Variants in PSMA2 observed in about 807,000 individuals in gnomAD.
The protein encoded by PSMA2 is proteasome subunit alpha type-2.
A neutral mutation model predicts 35.9 loss-of-function variants in PSMA2; 2 were observed. The ratio of observed to expected loss-of-function variants is 0.06; its 90% CI spans 0.02 to 0.18. PSMA2 has a LOEUF of 0.18. PSMA2 is among the 10% of genes least tolerant of loss of function. The pLI, the probability that PSMA2 is intolerant of heterozygous loss-of-function variation, is 1.00. For missense variants in PSMA2, 126 were observed against 278.8 expected (o/e 0.45, Z 3.90); for synonymous variants, 97 against 98.2 (o/e 0.99, Z 0.07).
intron 1 of PSMA2, among the ~76,000 whole-genome samples, chr7:42,931,721 A>G (rs1182589404): frequency 6.6e-6 from 1 of 152,178 alleles, no homozygotes; most frequent in African/African-American, 2.4e-5. Flanking sequence ...TATTTGACCA[A>G]GATTCCAAGT....
At position 42,921,886 on chromosome 7, in the gene PSMA2, C is replaced by T. The variant is rs371848172; in HGVS notation, c.502G>A (p.Val168Met). ...WKATAMGKNY[V>M]NGKTFLEKRY... is the part of the protein sequence containing the mutation. ...TTCTCAAGGAAAGTCTTCCCATTCACATAGTTCTTTCCCATTGCTGTAGCT... is the reference window on the plus strand; with the variant it reads ...TTCTCAAGGAAAGTCTTCCCATTCATATAGTTCTTTCCCATTGCTGTAGCT... Residue 168 changes from valine (V) to methionine (M), a missense_variant, in exon 6 of 8, where the codon GTG becomes ATG. Physicochemically the swap from Val to Met is conservative, Grantham distance 21 (BLOSUM62 1). Transcript: ENST00000223321. 9 of 1,612,470 alleles carry T rather than the reference C, an allele frequency of 5.6e-6. No individual in the cohort carries two copies. In the African/African-American group the frequency reaches 1.2e-4, roughly 22 times the overall value.
chr7:42,931,138 T>A (rs1786302281), intron 1 of PSMA2: 1 of 453,660 alleles, frequency 2.2e-6, no homozygotes, highest in South Asian at 1.6e-5. Context: ...AAGCTGCGGT[T>A]AGTTCATCTG....
intron 6 of PSMA2, chr7:42,918,839 C>T (rs1786078412): frequency 1.2e-5 from 2 of 165,138 alleles, no homozygotes; most frequent in South Asian, 3.2e-4. Context: ...TTTTTTTTCC[C>T]TCAAGACAGA....
In PSMA2 at chr7:42,917,486, T is replaced by C. The variant is rs968694221; in HGVS notation, c.*88A>G. ...GATTTAAACCATGTAGAAATAAGTA[T>C]GCAAAAAGTCTGCAAAACAAAACAT... On this transcript the variant is annotated 3_prime_UTR_variant, in exon 8 of 8. Coordinates refer to ENST00000223321, the MANE Select transcript of PSMA2 (RefSeq NM_002787.5). 6 of 970,032 alleles carry C rather than the reference T, an allele frequency of 6.2e-6. No individual in the cohort carries two copies. Among genetic ancestry groups the C allele is most frequent in the African/African-American group, 3.3e-5 (2 of 61,494 alleles). 60.1% of individuals were successfully genotyped at this position (970,032 alleles called of 1,614,324 possible).
intron 6 of PSMA2, chr7:42,920,024 A>G: frequency 5.8e-6 from 4 of 692,370 alleles, no homozygotes; most frequent in Admixed American, 5.6e-5. Context: ...ACAAGAGAAG[A>G]GCTAGAAGAA....
intron 3 of PSMA2, among the ~76,000 whole-genome samples, chr7:42,925,541 T>C (rs1786198572): frequency 6.6e-6 from 1 of 152,216 alleles, no homozygotes; most frequent in Non-Finnish European, 1.5e-5. Context: ...TTTTCTCCAG[T>C]GCAGTTTAAA....
intron 4 of PSMA2, among the ~76,000 whole-genome samples, chr7:42,923,704 T>C (rs774999574): frequency 7.9e-5 from 12 of 152,244 alleles, no homozygotes; most frequent in Non-Finnish European, 1.6e-4. Context: ...AACTTTCAAT[T>C]AATGCAGCTT....
chr7:42,924,568 T>C (rs1289139050), intron 4 of PSMA2, 107 bp downstream of exon 4: 1 of 1,147,982 alleles, frequency 8.7e-7, no homozygotes, highest in Non-Finnish European at 1.2e-6. Flanking sequence ...TGTCCACTTG[T>C]TAAGCAAATA....
rs752849987 is a variant in PSMA2 at position 42,927,467 on chromosome 7, G to T, written c.42-8C>A. The T allele has an allele frequency of 6.2e-7, 1 of 1,612,810 alleles. No individual in the cohort carries two copies. Among genetic ancestry groups the T allele is most frequent in the South Asian group, 1.1e-5 (1 of 91,044 alleles). On this transcript the variant is annotated splice_region_variant and splice_polypyrimidine_tract_variant and intron_variant, in intron 1 of 7. Coordinates refer to ENST00000223321, the MANE Select transcript of PSMA2 (RefSeq NM_002787.5). ...ACAAGTTTACCAGACGGGCTTAAAAGAAACACAGGTATTTGTAAGTTCACA... is the reference window on the plus strand; with the variant it reads ...ACAAGTTTACCAGACGGGCTTAAAATAAACACAGGTATTTGTAAGTTCACA...
In PSMA2 at chr7:42,917,696, G is replaced by A. The variant is rs1471767948; in HGVS notation, c.589-6C>T. 6.2e-7 allele frequency: 1 copy of A among 1,612,798 alleles called. No homozygotes were observed. The highest frequency in any genetic ancestry group is 1.1e-5 in the South Asian group (1 of 90,968). ...ATTTGCCCTTCAAAGCTTTCCTATTGAGGAGGGAGGAAAAAAGGTCAATTT... is the reference window on the plus strand; with the variant it reads ...ATTTGCCCTTCAAAGCTTTCCTATTAAGGAGGGAGGAAAAAAGGTCAATTT... On this transcript the variant is annotated splice_region_variant and splice_polypyrimidine_tract_variant and intron_variant, in intron 7 of 7. Coordinates refer to ENST00000223321, the MANE Select transcript of PSMA2 (RefSeq NM_002787.5).
chr7:42,918,645 G>C (rs989147968), intron 6 of PSMA2: 1 of 152,460 alleles, frequency 6.6e-6, no homozygotes, highest in African/African-American at 2.4e-5. Context: ...GCCCGTGTTA[G>C]GGTGAAGCCT....
intron 2 of PSMA2, 149 bp from the exon 3 acceptor site, chr7:42,926,817 T>G: frequency 1.1e-6 from 1 of 936,252 alleles, no homozygotes; most frequent in Admixed American, 3.6e-5. Flanking sequence ...CAAAATTACC[T>G]AAGAAATGGT....
At chr7:42,922,341 A>C (rs1347787636) in intron 5 of PSMA2, among the ~76,000 whole-genome samples, 6 of 152,220 alleles carry the variant, frequency 3.9e-5, no homozygotes, top group African/African-American at 1.4e-4. Flanking sequence ...CGATTTAAAA[A>C]TCTATCATAT....
At chr7:42,919,832 A>ATTCACTGTGTCCTATT in intron 6 of PSMA2, 1 of 729,814 alleles carries the variant, frequency 1.4e-6, no homozygotes, top group Non-Finnish European at 2.6e-6. Context: ...CCTACAAAGG[A>ATTCACTGTGTCCTATT]CACTCTGGTC....
At chr7:42,931,140 G>A (rs1392533345) in intron 1 of PSMA2, 1 of 453,678 alleles carries the variant, frequency 2.2e-6, no homozygotes, top group Non-Finnish European at 4.4e-6. Context: ...GCTGCGGTTA[G>A]TTCATCTGTA....
intron 6 of PSMA2, 164 bp downstream of exon 6, chr7:42,921,694 T>C: frequency 2.3e-6 from 1 of 441,824 alleles, no homozygotes; most frequent in Non-Finnish European, 4.0e-6. Flanking sequence ...TACTGAAGTC[T>C]AGGAAACTAG....
At position 42,917,611 on chromosome 7, in the gene PSMA2, G is replaced by A. The variant is rs201992093; in HGVS notation, c.668C>T (p.Pro223Leu). Residue 223 changes from proline to leucine, a missense_variant, in exon 8 of 8, where the codon CCA (proline) becomes CTA (leucine). By Grantham distance (98) the Pro-to-Leu change is moderately conservative (BLOSUM62 -3). Coordinates refer to ENST00000223321, the MANE Select transcript of PSMA2 (RefSeq NM_002787.5). ...CNEAGFRRLTPTEVKDYLAAI... is the reference protein window; with the variant it reads ...CNEAGFRRLTLTEVKDYLAAI... ...AGCCAAGTAATCCTTAACTTCAGTTGGAGTAAGCCTCCTAAATCCAGCTTC... is the reference window on the plus strand; with the variant it reads ...AGCCAAGTAATCCTTAACTTCAGTTAGAGTAAGCCTCCTAAATCCAGCTTC... The A allele has an allele frequency of 3.7e-6, 6 of 1,612,770 alleles. No homozygotes were observed. The Admixed American group carries it at 8.3e-5, about 22-fold the overall frequency.
At chr7:42,930,767 G>A (rs1368326754) in intron 1 of PSMA2, among the ~76,000 whole-genome samples, 2 of 151,636 alleles carry the variant, frequency 1.3e-5, no homozygotes, top group East Asian at 2.0e-4. Flanking sequence ...TCCAGAGACT[G>A]AGGCAGGAGG....
intron 1 of PSMA2, among the ~76,000 whole-genome samples, chr7:42,930,620 A>C (rs956524190): frequency 1.1e-4 from 17 of 152,050 alleles, no homozygotes; most frequent in African/African-American, 4.1e-4. Flanking sequence ...CGGTTGTTTT[A>C]TGTTTTCAGC....
Sources: gnomAD v4.1 joint callset for allele counts (sites outside exome capture counted in the v4.1 genomes callset) on GRCh38, gnomAD v4.1.1 for gene constraint, MANE v1.5 for transcripts, NCBI Gene and HGNC (gene_info 2026-07-23, HGNC 2026-07-21) for gene names.